TAF4B: variants seen among roughly 807,000 people sequenced by gnomAD.
TAF4B encodes the protein transcription initiation factor TFIID subunit 4B.
A neutral mutation model predicts 86.4 loss-of-function variants in TAF4B; 38 were observed. The observed-to-expected ratio is 0.44, with a 90% CI of 0.34 to 0.58. The LOEUF (loss-of-function observed/expected upper bound fraction) is 0.58, where lower values mean the gene tolerates loss of function less well. Among genes scored for constraint, TAF4B ranks in the 20% least tolerant of loss-of-function variants. The probability of loss-of-function intolerance (pLI) is 0.02; values close to 1 mark genes in which losing one functional copy is unlikely to be tolerated. For missense variants in TAF4B, 988 were observed against 1,027.6 expected (o/e 0.96, Z 0.53); for synonymous variants, 388 against 391.2 (o/e 0.99, Z 0.10).
Position 26,391,206 on chromosome 18 carries a change from C to T in TAF4B, c.*1194C>T, listed in dbSNP as rs1173493692. On this transcript the variant is annotated 3_prime_UTR_variant, in exon 15 of 15. Transcript: ENST00000269142. ...GAAGAAGCTGACGGACAAAGCAAAC[C>T]CTCTTTAAAAAAAAAAAAAAGAAAA... 2.0e-5 allele frequency: 3 copies of T among 150,218 alleles called. No individual in the cohort carries two copies. Among genetic ancestry groups the T allele is most frequent in the South Asian group, 2.1e-4 (1 of 4,750 alleles). The allele number at this position is 150,218 out of a possible 1,614,324, so 9.3% of individuals were successfully genotyped here. A position where few individuals can be genotyped will look rare whatever the true frequency, so the allele number is the denominator to read the frequency against.
At chr18:26,384,271 CTG>C (rs766586126) in intron 14 of TAF4B, among the ~76,000 whole-genome samples, 2 of 152,200 alleles carry the variant, frequency 1.3e-5, no homozygotes, top group Non-Finnish European at 1.5e-5. Flanking sequence ...GTTTGGTTAA[CTG>C]TTCAGATTCA....
intron 1 of TAF4B, among the ~76,000 whole-genome samples, chr18:26,259,083 G>A (rs373793981): frequency 5.9e-5 from 9 of 151,378 alleles, no homozygotes; most frequent in East Asian, 3.9e-4. Flanking sequence ...ATCTCTTTGC[G>A]TTTAGCTTAC....
intron 14 of TAF4B, among the ~76,000 whole-genome samples, chr18:26,388,032 G>A (rs992350961): frequency 7.9e-5 from 12 of 152,142 alleles, no homozygotes; most frequent in Non-Finnish European, 1.0e-4. Flanking sequence ...AAATTTAATT[G>A]TTATAAAAGG....
At chr18:26,329,733 C>A (rs2057036268) in intron 12 of TAF4B, among the ~76,000 whole-genome samples, 1 of 152,222 alleles carries the variant, frequency 6.6e-6, no homozygotes, top group African/African-American at 2.4e-5. Flanking sequence ...CTCTTCTCAG[C>A]TGATCATTTC....
chr18:26,317,868 A>G (rs2056927400), intron 10 of TAF4B, among the ~76,000 whole-genome samples: 1 of 152,192 alleles, frequency 6.6e-6, no homozygotes, highest in Non-Finnish European at 1.5e-5. Flanking sequence ...TTAGAGCTTC[A>G]ACATGAATGA....
At chr18:26,319,023 A>C (rs189389891) in intron 10 of TAF4B, among the ~76,000 whole-genome samples, 5 of 151,828 alleles carry the variant, frequency 3.3e-5, no homozygotes, top group Admixed American at 1.3e-4. Flanking sequence ...GTGAGACCCA[A>C]TCTCTACAAA....
intron 1 of TAF4B, among the ~76,000 whole-genome samples, chr18:26,245,423 A>G (rs989936422): frequency 6.6e-6 from 1 of 152,260 alleles, no homozygotes; most frequent in Non-Finnish European, 1.5e-5. Context: ...AAGCTTCCAC[A>G]GTGTGGAAGG....
intron 11 of TAF4B, among the ~76,000 whole-genome samples, chr18:26,325,594 A>T (rs1250538273): frequency 6.6e-6 from 1 of 152,204 alleles, no homozygotes; most frequent in Non-Finnish European, 1.5e-5. Context: ...TGGGAATATG[A>T]TTGGGCTAAA....
intron 1 of TAF4B, chr18:26,256,444 C>T: frequency 1.3e-6 from 1 of 751,798 alleles, no homozygotes; most frequent in Admixed American, 2.1e-5. Flanking sequence ...CAGGCCAGTC[C>T]CCCTCAAGCA....
chr18:26,252,161 T>G (rs943462210), intron 1 of TAF4B, among the ~76,000 whole-genome samples: 10 of 152,360 alleles, frequency 6.6e-5, no homozygotes, highest in African/African-American at 2.2e-4. Flanking sequence ...TTCAACGTGT[T>G]TTTTACATGT....
At chr18:26,364,498 T>A (rs2057356283) in intron 14 of TAF4B, among the ~76,000 whole-genome samples, 1 of 152,202 alleles carries the variant, frequency 6.6e-6, no homozygotes, top group Non-Finnish European at 1.5e-5. Context: ...GGTGATGTGT[T>A]TGGGGTTCTT....
chr18:26,231,344 G>GTT (rs1260610897), intron 1 of TAF4B, among the ~76,000 whole-genome samples: 692 of 60,808 alleles, frequency 0.011, 70 homozygotes, highest in African/African-American at 0.022. Context: ...AGCTGCTTGG[G>GTT]GTTTTTTTTT....
intron 9 of TAF4B, among the ~76,000 whole-genome samples, chr18:26,314,546 A>G (rs1245366222): frequency 6.6e-6 from 1 of 152,172 alleles, no homozygotes; most frequent in African/African-American, 2.4e-5. Flanking sequence ...GTAATTGCTG[A>G]GGATGTGGTT....
At chr18:26,268,933 C>T (rs1192455837) in intron 3 of TAF4B, among the ~76,000 whole-genome samples, 1 of 152,184 alleles carries the variant, frequency 6.6e-6, no homozygotes, top group East Asian at 1.9e-4. Context: ...AGTGATTCTC[C>T]TGCCTCAGCC....
At chr18:26,261,327 A>C (rs901792894) in intron 1 of TAF4B, among the ~76,000 whole-genome samples, 1 of 149,856 alleles carries the variant, frequency 6.7e-6, no homozygotes, top group African/African-American at 2.4e-5. Flanking sequence ...CAGCCTCCCA[A>C]GTAGCTGGGA....
intron 14 of TAF4B, among the ~76,000 whole-genome samples, chr18:26,384,491 A>G (rs1384657870): frequency 6.6e-6 from 1 of 152,240 alleles, no homozygotes; most frequent in African/African-American, 2.4e-5. Flanking sequence ...TTGGAGCTTT[A>G]GGCATTCAAG....
At chr18:26,335,153 A>T in intron 12 of TAF4B, 22 bp from the exon 13 acceptor site, 1 of 1,582,738 alleles carries the variant, frequency 6.3e-7, no homozygotes, top group Non-Finnish European at 8.7e-7. Flanking sequence ...ATTTCTATTA[A>T]AATTTTCTTT....
Position 26,285,873 on chromosome 18 carries a change from C to T in TAF4B, c.973-9C>T, listed in dbSNP as rs1183690921. 1.3e-6 allele frequency: 2 copies of T among 1,595,994 alleles called. No homozygotes were observed. The highest frequency in any genetic ancestry group is 1.3e-5 in the African/African-American group (1 of 74,346). ...AGCAGTGTTTTTTTCCATTCCTCTG[C>T]ATTTCCAGAAAAGCGTGGTTGCCTT... On this transcript the variant is annotated splice_polypyrimidine_tract_variant and intron_variant, in intron 6 of 14. Transcript: ENST00000269142.
At chr18:26,315,134 C>CTG (rs1568147861) in intron 9 of TAF4B, 95 bp from the exon 10 acceptor site, 18 of 303,364 alleles carry the variant, frequency 5.9e-5, no homozygotes, top group African/African-American at 4.8e-4. Context: ...CTCTCTCTCT[C>CTG]TCTCTCTCTC....
Sources: gnomAD v4.1 joint callset for allele counts (sites outside exome capture counted in the v4.1 genomes callset) on GRCh38, gnomAD v4.1.1 for gene constraint, MANE v1.5 for transcripts, NCBI Gene and HGNC (gene_info 2026-07-23, HGNC 2026-07-21) for gene names.